The following TRIO variants were observed in gnomAD, a reference collection of about 807,000 sequenced individuals.
TRIO encodes the protein triple functional domain protein.
In TRIO, 58 loss-of-function variants were observed where a neutral mutation model predicts 351.9. The observed-to-expected ratio is 0.16, with a 90% CI of 0.13 to 0.21. The LOEUF is 0.21. Among genes scored for constraint, TRIO ranks in the 10% least tolerant of loss-of-function variants. The pLI, the probability that TRIO is intolerant of heterozygous loss-of-function variation, is 1.00. For missense variants in TRIO, 3,201 were observed against 4,027.8 expected (o/e 0.79, Z 5.56); for synonymous variants, 1,758 against 1,595.7 (o/e 1.10, Z -2.42).
intron 1 of TRIO, among the ~76,000 whole-genome samples, chr5:14,269,863 A>C (rs1285560161): frequency 6.6e-6 from 1 of 152,192 alleles, no homozygotes; most frequent in Non-Finnish European, 1.5e-5. Flanking sequence ...ACAAACACAA[A>C]TGGGGGTGGG....
chr5:14,213,467 A>G (rs1238525186), intron 1 of TRIO, among the ~76,000 whole-genome samples: 1 of 152,046 alleles, frequency 6.6e-6, no homozygotes, highest in African/African-American at 2.4e-5. Flanking sequence ...GTTAGATACT[A>G]AGCTGATGCA....
intron 11 of TRIO, 54 bp downstream of exon 11, chr5:14,336,781 C>CT (rs1198112645): frequency 6.3e-7 from 1 of 1,583,608 alleles, no homozygotes; most frequent in Non-Finnish European, 8.6e-7. Flanking sequence ...TCTTTGAACT[C>CT]TTTTGGAGGA....
chr5:14,333,804 G>C (rs1025303356), intron 10 of TRIO, among the ~76,000 whole-genome samples: 1 of 152,140 alleles, frequency 6.6e-6, no homozygotes, highest in African/African-American at 2.4e-5. Context: ...ACACCAGTTA[G>C]GCCCCCACCC....
chr5:14,458,453 C>G (rs932535644), intron 34 of TRIO, among the ~76,000 whole-genome samples: 2 of 152,206 alleles, frequency 1.3e-5, no homozygotes, highest in East Asian at 1.9e-4. Flanking sequence ...CTTCAGGGAC[C>G]CTTCCATGGT....
chr5:14,246,906 A>G (rs1417665860), intron 1 of TRIO, among the ~76,000 whole-genome samples: 3 of 152,180 alleles, frequency 2.0e-5, no homozygotes, highest in Non-Finnish European at 4.4e-5. Context: ...ACTCCCCTTC[A>G]GAGTGCACCC....
intron 2 of TRIO, among the ~76,000 whole-genome samples, chr5:14,276,596 G>T (rs1056751239): frequency 6.6e-6 from 1 of 152,244 alleles, no homozygotes; most frequent in Admixed American, 6.5e-5. Flanking sequence ...GTGTGAGTTA[G>T]ACTGTTCCTT....
rs2152275268 is a variant in TRIO, at chr5:14,278,584, G to T, written c.233-1738G>T. ...AATTCAAGTTTCTGTAATATGTGTT[G>T]ATCTATGATAATTTCAGTCAAGGAG... On this transcript the variant is annotated intron_variant, in intron 2 of 56. Transcript: ENST00000344204. Among the ~76,000 whole-genome samples the T allele has an allele frequency of 1.3e-5, 2 of 152,266 alleles. 1 individual carries two copies. Among genetic ancestry groups the T allele is most frequent in the East Asian group, 3.9e-4 (2 of 5,186 alleles).
intron 11 of TRIO, among the ~76,000 whole-genome samples, chr5:14,342,423 T>C (rs1391406559): frequency 6.6e-6 from 1 of 152,180 alleles, no homozygotes; most frequent in Non-Finnish European, 1.5e-5. Context: ...TTGTGTAGAC[T>C]AGCTGCCCTC....
chr5:14,304,641 C>A, intron 8 of TRIO, 49 bp downstream of exon 8: 1 of 1,566,692 alleles, frequency 6.4e-7, no homozygotes, highest in South Asian at 1.2e-5. Context: ...ATTTTTGCAT[C>A]ATAGTACACC....
intron 40 of TRIO, among the ~76,000 whole-genome samples, chr5:14,474,869 C>G (rs1326078378): frequency 6.6e-6 from 1 of 152,120 alleles, no homozygotes; most frequent in Non-Finnish European, 1.5e-5. Flanking sequence ...CAAACACGGG[C>G]TTGCTGTGTT....
intron 18 of TRIO, among the ~76,000 whole-genome samples, chr5:14,370,566 G>C (rs772646114): frequency 1.3e-5 from 2 of 152,032 alleles, no homozygotes; most frequent in Non-Finnish European, 2.9e-5. Context: ...TTTTTCTGAA[G>C]TCCGTCATCT....
chr5:14,380,355 TCCTC>T (rs1745987344), intron 20 of TRIO, among the ~76,000 whole-genome samples: 1 of 150,432 alleles, frequency 6.6e-6, no homozygotes, highest in African/African-American at 2.5e-5. Context: ...CGCTCCTCGC[TCCTC>T]CCTCGCTCCT....
Position 14,497,340 on chromosome 5 carries a change from C to G in TRIO, c.8019+323C>G, listed in dbSNP as rs1172429279. 6.6e-6 allele frequency among the ~76,000 whole-genome samples: 1 copy of G among 152,220 alleles called. No individual in the cohort carries two copies. Among genetic ancestry groups the G allele is most frequent in the East Asian group, 1.9e-4 (1 of 5,204 alleles). ...CAGCGAAGGTGCAGAGAAGCTATGG[C>G]TCAGGCTTCCTTCAGTGTTCCTGCC... On this transcript the variant is annotated intron_variant, in intron 50 of 56. Coordinates refer to ENST00000344204, the MANE Select transcript of TRIO (RefSeq NM_007118.4). The surrounding 1 kb of genome is among the most constrained non-coding windows in gnomAD (Gnocchi z 4.4).
In TRIO at chr5:14,461,254, C is replaced by T. The variant is rs954398079; in HGVS notation, c.5439C>T (p.Gly1813=). ...SREVRKSADA[G]SQKDSDDSAA... Reference sequence around the variant, plus strand: ...AGGTCCGCAAGAGCGCCGACGCCGGCTCGCAGAAGGACTCCGACGACAGTG... The same window carrying T: ...AGGTCCGCAAGAGCGCCGACGCCGGTTCGCAGAAGGACTCCGACGACAGTG... The change falls in exon 35 of 57, where the codon GGC becomes GGT. Residue 1813 remains glycine, a synonymous_variant. Coordinates refer to ENST00000344204, the MANE Select transcript of TRIO (RefSeq NM_007118.4). 1.8e-5 allele frequency: 28 copies of T among 1,595,090 alleles called. No individual in the cohort carries two copies. Among genetic ancestry groups the T allele is most frequent in the Admixed American group, 5.2e-5 (3 of 58,148 alleles).
intron 9 of TRIO, 44 bp from the exon 10 acceptor site, chr5:14,330,734 C>T: frequency 6.2e-7 from 1 of 1,605,044 alleles, no homozygotes. Context: ...TTGAACATGG[C>T]AGGACATTGT....
At chr5:14,431,887 C>T (rs976202814) in intron 34 of TRIO, among the ~76,000 whole-genome samples, 1 of 152,216 alleles carries the variant, frequency 6.6e-6, no homozygotes, top group Non-Finnish European at 1.5e-5. Context: ...CTGTCTATCT[C>T]CCTATTTCCT....
At chr5:14,390,502 T>C in intron 26 of TRIO, 1 of 598,332 alleles carries the variant, frequency 1.7e-6, no homozygotes, top group Non-Finnish European at 2.9e-6. Flanking sequence ...CTGGTGATGG[T>C]TTGAAATAGA....
At chr5:14,421,300 G>A (rs1750132325) in intron 34 of TRIO, among the ~76,000 whole-genome samples, 2 of 123,364 alleles carry the variant, frequency 1.6e-5, no homozygotes, top group African/African-American at 6.5e-5. Flanking sequence ...TGTAATGCAA[G>A]GAAACTCATA....
chr5:14,360,344 A>C (rs1339444170), intron 13 of TRIO, among the ~76,000 whole-genome samples: 7 of 152,108 alleles, frequency 4.6e-5, no homozygotes, highest in Non-Finnish European at 1.0e-4. Context: ...AGTCAGTCCA[A>C]TCACATGAGC....
Sources: gnomAD v4.1 joint callset for allele counts (sites outside exome capture counted in the v4.1 genomes callset) on GRCh38, gnomAD v4.1.1 for gene constraint, Gnocchi (gnomAD v3.1) non-coding constraint, MANE v1.5 for transcripts, NCBI Gene and HGNC (gene_info 2026-07-23, HGNC 2026-07-21) for gene names.